CEP76: variants seen among roughly 807,000 people sequenced by gnomAD.
CEP76 encodes the protein centrosomal protein of 76 kDa.
CEP76 carries 55 observed loss-of-function variants against 83.3 expected under a neutral mutation model. The ratio of observed to expected loss-of-function variants is 0.66; its 90% CI spans 0.53 to 0.83. The LOEUF is 0.83. Ranked by LOEUF, CEP76 falls within the 40% of genes least tolerant of loss-of-function variation. The pLI is 0.00. For missense variants in CEP76, 694 were observed against 799.5 expected (o/e 0.87, Z 1.59); for synonymous variants, 270 against 274.5 (o/e 0.98, Z 0.16).
At chr18:12,674,828 T>C in intron 10 of CEP76, 75 bp from the exon 11 acceptor site, 1 of 889,000 alleles carries the variant, frequency 1.1e-6, no homozygotes, top group East Asian at 2.7e-5. Context: ...AAAATGTTGA[T>C]TATTTTAATG....
chr18:12,672,124 T>C (rs555476272), downstream of CEP76, among the ~76,000 whole-genome samples: 77 of 147,666 alleles, frequency 5.2e-4, no homozygotes, highest in Non-Finnish European at 9.0e-4. Context: ...GGCCCTTTTT[T>C]TTTTTTCTGA....
rs2039537838 is a variant in CEP76 at position 12,686,282 on chromosome 18, C to A, written c.1102G>T (p.Ala368Ser). 6.2e-7 allele frequency: 1 copy of A among 1,613,508 alleles called. No homozygotes were observed. The highest frequency in any genetic ancestry group is 1.7e-5 in the Admixed American group (1 of 59,942). The stretch of plus-strand genomic sequence containing the variant: ...AATACCTTGTTTCTACAGAGAAAGG[C>A]CAGCAGAGTGCACCACTGCTCCTGT... The part of the protein sequence containing the change: ...GKQEQWCTLL[A>S]FLCRNKGDCE... The change falls in exon 8 of 12, where the codon GCC (alanine) becomes TCC (serine). Residue 368 changes from alanine (A) to serine (S), a missense_variant. Coordinates refer to ENST00000262127, the MANE Select transcript of CEP76 (RefSeq NM_024899.4).
intron 1 of CEP76, 91 bp from the exon 2 acceptor site, chr18:12,701,204 T>C (rs2040138572): frequency 1.1e-6 from 1 of 870,372 alleles, no homozygotes; most frequent in East Asian, 2.4e-5. Context: ...TAACAGTAAA[T>C]GCACAATTGT....
At chr18:12,688,228 C>CAA (rs11337170) in intron 7 of CEP76, among the ~76,000 whole-genome samples, 15 of 93,964 alleles carry the variant, frequency 1.6e-4, no homozygotes, top group South Asian at 3.5e-4. Context: ...GACTCCATCT[C>CAA]AAAAAAAAAA....
intron 6 of CEP76, chr18:12,692,440 C>T (rs2039802808): frequency 6.6e-6 from 1 of 152,346 alleles, no homozygotes; most frequent in Non-Finnish European, 1.5e-5. Context: ...TCTCCCCAAC[C>T]CACTACGCTC....
intron 9 of CEP76, 31 bp downstream of exon 9, chr18:12,680,631 T>G: frequency 1.4e-6 from 2 of 1,474,048 alleles, no homozygotes; most frequent in Non-Finnish European, 1.8e-6. Flanking sequence ...ATAACTTCAT[T>G]TTAATATCCT....
chr18:12,664,562 A>T (rs573521779), intron 12 of CEP76, among the ~76,000 whole-genome samples: 48 of 151,996 alleles, frequency 3.2e-4, no homozygotes, highest in African/African-American at 1.1e-3. Flanking sequence ...AAAAAACAAA[A>T]TTTGTAGAGA....
intron 8 of CEP76, chr18:12,685,121 C>T (rs778649070): frequency 3.3e-5 from 5 of 152,058 alleles, no homozygotes; most frequent in Non-Finnish European, 7.3e-5. Context: ...CTGCCTCAGC[C>T]TCCTCAGTAG....
At chr18:12,674,793 T>G in intron 10 of CEP76, 40 bp from the exon 11 acceptor site, 3 of 1,332,194 alleles carry the variant, frequency 2.3e-6, no homozygotes, top group Non-Finnish European at 3.1e-6. Context: ...TGAAATACAT[T>G]AATATTTTTA....
rs561420724 is a variant in CEP76, at chr18:12,665,655, C to G, written c.*1728-3486G>C. 2.6e-3 allele frequency among the ~76,000 whole-genome samples: 393 copies of G among 152,250 alleles called. 1 individual carries two copies. The highest frequency in any genetic ancestry group is 9.1e-3 in the African/African-American group (377 of 41,552). On this transcript the variant is annotated intron_variant and NMD_transcript_variant, in intron 12 of 12. Transcript: ENST00000590143. ...AAAACATGACATCCCAGAGCTTAAC[C>G]TAAATTTATAAGAGAATGTTTTAAA...
chr18:12,678,689 CCGGATG>C (rs1167682060), intron 9 of CEP76, among the ~76,000 whole-genome samples: 1 of 152,072 alleles, frequency 6.6e-6, no homozygotes, highest in Non-Finnish European at 1.5e-5. Context: ...AGATCAAAGG[CCGGATG>C]CGGTAGTCCC....
At chr18:12,680,511 G>T (rs1041413904) in intron 9 of CEP76, 151 bp downstream of exon 9, 14 of 476,260 alleles carry the variant, frequency 2.9e-5, no homozygotes, top group African/African-American at 2.7e-4. Flanking sequence ...CAGGAGAATC[G>T]GCTTGAACCT....
At chr18:12,700,116 A>C (rs2040101390) in intron 2 of CEP76, 1 of 363,170 alleles carries the variant, frequency 2.8e-6, no homozygotes, top group East Asian at 4.3e-5. Context: ...TCAAATGCTA[A>C]GGAATTAAAC....
At chr18:12,667,932 A>C (rs1027061238), downstream of CEP76, among the ~76,000 whole-genome samples, 3 of 151,302 alleles carry the variant, frequency 2.0e-5, no homozygotes, top group Non-Finnish European at 2.9e-5. Context: ...GGAAAAGTAA[A>C]ATGGCAAACA....
At chr18:12,673,582 T>A in intron 11 of CEP76, 79 bp from the exon 12 acceptor site, 3 of 1,246,024 alleles carry the variant, frequency 2.4e-6, no homozygotes, top group East Asian at 2.7e-5. Flanking sequence ...AATCAGTATT[T>A]AAAATAATTT....
rs140994973 is a variant in CEP76 at position 12,693,066 on chromosome 18, C to T, written c.805-1579G>A. On this transcript the variant is annotated intron_variant, in intron 6 of 11. Coordinates refer to ENST00000262127, the MANE Select transcript of CEP76 (RefSeq NM_024899.4). The stretch of plus-strand genomic sequence containing the variant: ...CTTGAACTCCTGGCCTGAAGTGATC[C>T]TCTTACCTTGGCCTCCCAAAGTGCT... Among the ~76,000 whole-genome samples, 823 of 152,248 alleles carry T rather than the reference C, an allele frequency of 5.4e-3. 5 individuals are homozygous for T. The highest frequency in any genetic ancestry group is 0.019 in the African/African-American group (785 of 41,540).
rs965331915 is a variant in CEP76, at chr18:12,686,182, G to A, written c.1122+80C>T. On this transcript the variant is annotated intron_variant, in intron 8 of 11. Transcript: ENST00000262127. Reference sequence around the variant, plus strand: ...GTTGACTATATGTGCATTTTTCTAAGGCATTCTTTTACAAATGGATTACAA... The same window carrying A: ...GTTGACTATATGTGCATTTTTCTAAAGCATTCTTTTACAAATGGATTACAA... 6.8e-6 allele frequency: 8 copies of A among 1,169,226 alleles called. No homozygotes were observed. The African/African-American group carries it at 1.1e-4, about 16-fold the overall frequency. 72.4% of individuals were successfully genotyped at this position (1,169,226 alleles called of 1,614,324 possible). A position where few individuals can be genotyped will look rare whatever the true frequency, so the allele number is the denominator to read the frequency against.
At chr18:12,667,281 C>A (rs567849945) in intron 12 of CEP76, among the ~76,000 whole-genome samples, 4 of 152,018 alleles carry the variant, frequency 2.6e-5, no homozygotes, top group Non-Finnish European at 5.9e-5. Flanking sequence ...TGAGTGAGAC[C>A]TTGTCTCTAC....
Position 12,678,418 on chromosome 18 carries a change from A to G in CEP76, c.1314T>C (p.Pro438=). 6.2e-7 allele frequency: 1 copy of G among 1,612,900 alleles called. No individual in the cohort carries two copies. Among genetic ancestry groups the G allele is most frequent in the South Asian group, 1.1e-5 (1 of 91,068 alleles). ...GHRYIHKPTN[P]DEPPVAEQPK... ...GCTGTTCAGCAACTGGAGGTTCATC[A>G]GGATTGGTAGGTTTATGGATGTACC... Residue 438 remains proline (P), a synonymous_variant, in exon 10 of 12, where the codon CCT becomes CCC. Coordinates refer to ENST00000262127, the MANE Select transcript of CEP76 (RefSeq NM_024899.4).
Sources: gnomAD v4.1 joint callset for allele counts (sites outside exome capture counted in the v4.1 genomes callset) on GRCh38, gnomAD v4.1.1 for gene constraint, MANE v1.5 for transcripts, NCBI Gene and HGNC (gene_info 2026-07-23, HGNC 2026-07-21) for gene names.